The following ADAMTSL3 variants were observed in gnomAD, a reference collection of about 807,000 sequenced individuals.
ADAMTSL3 encodes the protein ADAMTS like 3.
Under a neutral mutation model 201.7 loss-of-function variants are expected in ADAMTSL3, and 128 were observed. The observed-to-expected ratio is 0.63, with a 90% CI of 0.55 to 0.73. The LOEUF (loss-of-function observed/expected upper bound fraction) is 0.73, where lower values mean the gene tolerates loss of function less well. ADAMTSL3 is among the 30% of genes least tolerant of loss of function. ADAMTSL3 has a pLI of 0.00. For missense variants in ADAMTSL3, 1,990 were observed against 2,119.6 expected, an observed-to-expected ratio of 0.94 and a Z score of 1.20; for synonymous variants, 738 against 748.4, an observed-to-expected ratio of 0.99 and a Z score of 0.23.
chr15:83,821,862 G>C (rs1220071667), intron 6 of ADAMTSL3, among the ~76,000 whole-genome samples: 2 of 149,568 alleles, frequency 1.3e-5, no homozygotes, highest in Non-Finnish European at 3.0e-5. Flanking sequence ...GCGGCTGGCC[G>C]GGCTGGGGGC....
At chr15:83,696,858 C>T (rs1158861315) in intron 2 of ADAMTSL3, among the ~76,000 whole-genome samples, 1 of 152,094 alleles carries the variant, frequency 6.6e-6, no homozygotes, top group Non-Finnish European at 1.5e-5. Flanking sequence ...CTAAAACAGT[C>T]TTGAGATGCC....
chr15:83,876,199 T>C (rs1451818147), intron 9 of ADAMTSL3, among the ~76,000 whole-genome samples: 1 of 152,212 alleles, frequency 6.6e-6, no homozygotes, highest in Non-Finnish European at 1.5e-5. Flanking sequence ...CCTATAACAA[T>C]GTCTCTTTCA....
chr15:83,826,073 G>A (rs1288998538), intron 6 of ADAMTSL3, among the ~76,000 whole-genome samples: 4 of 152,110 alleles, frequency 2.6e-5, no homozygotes, highest in Non-Finnish European at 5.9e-5. Context: ...CAAGAGGTAG[G>A]ATGAATTAAA....
At chr15:83,866,394 T>G (rs190134219) in intron 8 of ADAMTSL3, among the ~76,000 whole-genome samples, 1 of 152,164 alleles carries the variant, frequency 6.6e-6, no homozygotes, top group Non-Finnish European at 1.5e-5. Context: ...ATTAAGAAAA[T>G]GTGGCACATA....
At chr15:83,706,303 G>A (rs2061850427) in intron 3 of ADAMTSL3, among the ~76,000 whole-genome samples, 1 of 152,106 alleles carries the variant, frequency 6.6e-6, no homozygotes. Context: ...CTGGGAAAAG[G>A]GGAAAACAAG....
intron 25 of ADAMTSL3, among the ~76,000 whole-genome samples, chr15:84,017,284 A>G (rs2068104074): frequency 6.6e-6 from 1 of 151,886 alleles, no homozygotes; most frequent in Non-Finnish European, 1.5e-5. Context: ...CGCCCGGCTA[A>G]TTTTTTGTAT....
At chr15:83,867,524 T>C (rs2065002458) in intron 8 of ADAMTSL3, among the ~76,000 whole-genome samples, 1 of 152,220 alleles carries the variant, frequency 6.6e-6, no homozygotes, top group Admixed American at 6.5e-5. Flanking sequence ...CCAATTCAGT[T>C]GGAAGAATAT....
intron 3 of ADAMTSL3, among the ~76,000 whole-genome samples, chr15:83,713,863 C>G (rs2061964941): frequency 6.6e-6 from 1 of 152,094 alleles, no homozygotes; most frequent in South Asian, 2.1e-4. Context: ...CAAAGAGATT[C>G]CTGGTGGGTA....
chr15:83,672,408 A>C (rs1303385728), intron 2 of ADAMTSL3, among the ~76,000 whole-genome samples: 1 of 152,202 alleles, frequency 6.6e-6, no homozygotes, highest in African/African-American at 2.4e-5. Flanking sequence ...TCTTTTGCTA[A>C]GGTGAAGGCA....
At chr15:83,843,243 C>CTT (rs142148204) in intron 7 of ADAMTSL3, among the ~76,000 whole-genome samples, 2 of 143,530 alleles carry the variant, frequency 1.4e-5, no homozygotes, top group African/African-American at 5.3e-5. Context: ...CTAAAATGTC[C>CTT]TTTTTTTTAA....
At chr15:83,959,563 A>G (rs1197661788) in intron 19 of ADAMTSL3, among the ~76,000 whole-genome samples, 1 of 152,232 alleles carries the variant, frequency 6.6e-6, no homozygotes. Flanking sequence ...CATATTTAAG[A>G]TACTGAAGGA....
intron 23 of ADAMTSL3, among the ~76,000 whole-genome samples, chr15:84,013,976 C>G (rs955321254): frequency 2.0e-5 from 3 of 152,198 alleles, no homozygotes; most frequent in African/African-American, 7.2e-5. Context: ...GGAATTGAAA[C>G]TCAGCACTTA....
intron 17 of ADAMTSL3, among the ~76,000 whole-genome samples, chr15:83,934,326 G>T (rs553142540): frequency 6.6e-6 from 1 of 152,290 alleles, no homozygotes; most frequent in East Asian, 1.9e-4. Flanking sequence ...CTAAATTTTC[G>T]ACTTGCATGG....
chr15:83,951,098 T>C lies in ADAMTSL3; in HGVS notation c.2490+8016T>C, dbSNP rs142049099. On this transcript the variant is annotated intron_variant, in intron 19 of 29. Transcript: ENST00000286744. ...GTGAGCATCCTTGTCTTTTTCCAGA[T>C]ATTACAGGAAAAGCCTTCAGTTTTT... Among the ~76,000 whole-genome samples, 604 of 152,092 alleles carry C rather than the reference T, an allele frequency of 4.0e-3. 2 individuals are homozygous for C. The highest frequency in any genetic ancestry group is 6.1e-3 in the Non-Finnish European group (415 of 67,950).
At chr15:83,765,377 C>G (rs1485230053) in intron 3 of ADAMTSL3, among the ~76,000 whole-genome samples, 1 of 152,158 alleles carries the variant, frequency 6.6e-6, no homozygotes. Flanking sequence ...TATTTGATGT[C>G]TGGGAAGTAA....
At chr15:83,678,542 C>G (rs140862419) in intron 2 of ADAMTSL3, among the ~76,000 whole-genome samples, 1 of 151,160 alleles carries the variant, frequency 6.6e-6, no homozygotes, top group South Asian at 2.1e-4. Context: ...CATTGTTTCT[C>G]TCTAGCTGAT....
In ADAMTSL3 at chr15:83,754,296, T is replaced by G. The variant is rs574014047; in HGVS notation, c.190-19227T>G. On this transcript the variant is annotated intron_variant, in intron 3 of 29. Transcript: ENST00000286744. ...AAGTTAATAATCTGTAGCATCTGAC[T>G]GCAGGCCTTGTTCGATCTGCCTTGG... Among the ~76,000 whole-genome samples, 12 of 152,320 alleles carry G rather than the reference T, an allele frequency of 7.9e-5. 1 individual carries two copies. The South Asian group carries it at 1.5e-3, about 18-fold the overall frequency.
chr15:83,654,650 C>G lies in ADAMTSL3; in HGVS notation c.-34+374C>G, dbSNP rs1215276541. On this transcript the variant is annotated intron_variant, in intron 1 of 29. Coordinates refer to ENST00000286744, the MANE Select transcript of ADAMTSL3 (RefSeq NM_207517.3). The surrounding 1 kb of genome is among the most constrained non-coding windows in gnomAD (Gnocchi z 5.3). ...CGGTTGACCACTGGGTAGCGAGCGC[C>G]CAGAACGCCGGGGGTTGAGGCGACG... Among the ~76,000 whole-genome samples, 1 of 152,110 alleles carries G rather than the reference C, an allele frequency of 6.6e-6. No homozygotes were observed. The highest frequency in any genetic ancestry group is 1.5e-5 in the Non-Finnish European group (1 of 68,024).
intron 2 of ADAMTSL3, among the ~76,000 whole-genome samples, chr15:83,682,354 C>CG (rs1445093543): frequency 6.6e-6 from 1 of 152,196 alleles, no homozygotes; most frequent in Non-Finnish European, 1.5e-5. Context: ...TCTGGAAAAC[C>CG]TGTGGTATCC....
Sources: allele counts gnomAD v4.1 joint callset (sites outside exome capture counted in the v4.1 genomes callset), GRCh38; gene constraint gnomAD v4.1.1; non-coding constraint Gnocchi (gnomAD v3.1); transcripts MANE v1.5; gene names NCBI Gene and HGNC (gene_info 2026-07-23, HGNC 2026-07-21).